RAB30: variants seen among roughly 807,000 people sequenced by gnomAD.
The protein encoded by RAB30 is RAB30, member RAS oncogene family.
Under a neutral mutation model 25.1 loss-of-function variants are expected in RAB30, and 9 were observed. The observed-to-expected ratio is 0.36, with a 90% CI of 0.22 to 0.63. The LOEUF (loss-of-function observed/expected upper bound fraction) is 0.63, where lower values mean the gene tolerates loss of function less well. RAB30 is among the 20% of genes least tolerant of loss of function. RAB30 has a pLI of 0.69. For synonymous variants in RAB30, 77 were observed against 86.4 expected, an observed-to-expected ratio of 0.89 and a Z score of 0.60; for missense variants, 140 against 243.5, an observed-to-expected ratio of 0.58 and a Z score of 2.83.
intron 1 of RAB30, among the ~76,000 whole-genome samples, chr11:83,010,976 T>C (rs1046531682): frequency 6.6e-6 from 1 of 152,194 alleles, no homozygotes; most frequent in African/African-American, 2.4e-5. Flanking sequence ...ATGAAAAGAA[T>C]TTGCAAAGCT....
At chr11:83,001,028 C>T (rs1321475756) in intron 1 of RAB30, among the ~76,000 whole-genome samples, 2 of 104,188 alleles carry the variant, frequency 1.9e-5, no homozygotes, top group African/African-American at 3.8e-5. Context: ...GCCTGGGCGA[C>T]AGAACGAGAC....
intron 1 of RAB30, among the ~76,000 whole-genome samples, chr11:83,001,310 G>C (rs1857079457): frequency 6.6e-6 from 1 of 152,052 alleles, no homozygotes; most frequent in African/African-American, 2.4e-5. Context: ...CAAGTAGCTG[G>C]GATTACAGAC....
intron 1 of RAB30, among the ~76,000 whole-genome samples, chr11:83,060,835 A>G (rs532873124): frequency 6.6e-6 from 1 of 152,280 alleles, no homozygotes; most frequent in African/African-American, 2.4e-5. Flanking sequence ...CCAGGTGTGG[A>G]AGAACCACCA....
Position 82,974,212 on chromosome 11 carries a change from A to T in RAB30, c.*7953T>A, listed in dbSNP as rs1856502771. The T allele has an allele frequency of 6.6e-6, 1 of 152,188 alleles. No individual in the cohort carries two copies. The highest frequency in any genetic ancestry group is 1.5e-5 in the Non-Finnish European group (1 of 68,024). The allele number at this position is 152,188 out of a possible 1,614,324, so 9.4% of individuals were successfully genotyped here. The stretch of plus-strand genomic sequence containing the variant: ...TTAGTGAATATGATTAAAAACATTG[A>T]AGTTTACACCTTAATAGGATAAACC... On this transcript the variant is annotated 3_prime_UTR_variant, in exon 5 of 5. Transcript: ENST00000527633.
chr11:83,011,243 C>A (rs529362154), intron 1 of RAB30, among the ~76,000 whole-genome samples: 4 of 152,296 alleles, frequency 2.6e-5, no homozygotes, highest in African/African-American at 9.6e-5. Context: ...TGTGTTTCTC[C>A]TAGTTTCTTT....
intron 1 of RAB30, among the ~76,000 whole-genome samples, chr11:83,006,999 T>C (rs989153208): frequency 1.3e-5 from 2 of 152,236 alleles, no homozygotes; most frequent in African/African-American, 4.8e-5. Context: ...TCTTACAGCT[T>C]AGAAATTACT....
At chr11:83,011,531 A>G (rs1378597905) in intron 1 of RAB30, among the ~76,000 whole-genome samples, 1 of 152,228 alleles carries the variant, frequency 6.6e-6, no homozygotes, top group Non-Finnish European at 1.5e-5. Context: ...GCCATAAGCC[A>G]AGAACATGGC....
At chr11:83,042,217 T>C (rs1217561677) in intron 1 of RAB30, among the ~76,000 whole-genome samples, 1 of 151,980 alleles carries the variant, frequency 6.6e-6, no homozygotes, top group Non-Finnish European at 1.5e-5. Context: ...TGAATATATG[T>C]TGATGTGATT....
intron 1 of RAB30, among the ~76,000 whole-genome samples, chr11:83,029,295 C>T (rs991187066): frequency 1.3e-5 from 2 of 151,910 alleles, no homozygotes; most frequent in Admixed American, 6.6e-5. Context: ...TAAAAGCAGA[C>T]CCCCCAACAC....
intron 1 of RAB30, among the ~76,000 whole-genome samples, chr11:83,069,750 G>A (rs964935125): frequency 2.0e-5 from 3 of 152,238 alleles, no homozygotes; most frequent in Non-Finnish European, 4.4e-5. Flanking sequence ...AGGTGCCAGT[G>A]AAAGGAAAAG....
chr11:83,036,996 A>T (rs1004855195), intron 1 of RAB30, among the ~76,000 whole-genome samples: 6 of 152,218 alleles, frequency 3.9e-5, no homozygotes, highest in African/African-American at 1.4e-4. Context: ...AGTTTTAATC[A>T]GGGAAATAGT....
chr11:83,038,052 GA>G (rs1272124280), intron 1 of RAB30, among the ~76,000 whole-genome samples: 1 of 152,028 alleles, frequency 6.6e-6, no homozygotes, highest in Non-Finnish European at 1.5e-5. Context: ...AAGGGTTAAA[GA>G]AAAAAACAGA....
intron 3 of RAB30, among the ~76,000 whole-genome samples, chr11:82,988,021 G>A (rs1358999545): frequency 1.6e-5 from 2 of 122,650 alleles, no homozygotes; most frequent in East Asian, 4.8e-4. Flanking sequence ...TTTTTTCTTT[G>A]TTAAGAGTTT....
chr11:83,043,867 G>T (rs1858181811), intron 1 of RAB30, among the ~76,000 whole-genome samples: 1 of 152,234 alleles, frequency 6.6e-6, no homozygotes, highest in East Asian at 1.9e-4. Context: ...CCCACCCCCT[G>T]ACCCTTTTTA....
At chr11:83,029,569 T>A (rs914362786) in intron 1 of RAB30, among the ~76,000 whole-genome samples, 1 of 152,068 alleles carries the variant, frequency 6.6e-6, no homozygotes, top group African/African-American at 2.4e-5. Context: ...ATCCAGGCTG[T>A]TTAAATATTT....
intron 1 of RAB30, among the ~76,000 whole-genome samples, chr11:83,016,235 G>A (rs1857433745): frequency 1.3e-5 from 2 of 152,200 alleles, no homozygotes; most frequent in African/African-American, 4.8e-5. Flanking sequence ...CGGTCCTGAT[G>A]AAATGAGAGA....
intron 1 of RAB30, among the ~76,000 whole-genome samples, chr11:83,015,209 T>C (rs1396329039): frequency 6.6e-6 from 1 of 152,144 alleles, no homozygotes; most frequent in Non-Finnish European, 1.5e-5. Context: ...TGGATACCAG[T>C]AGAAACAAAC....
chr11:82,980,552 T>A lies in RAB30; in HGVS notation c.*1613A>T, dbSNP rs1856620061. On this transcript the variant is annotated 3_prime_UTR_variant, in exon 5 of 5. Coordinates refer to ENST00000527633, the MANE Select transcript of RAB30 (RefSeq NM_001286060.2). ...AGCAACAGTGGAATTACACATCATA[T>A]CCTTATTCCATTACTCATCCCTCAG... 6.6e-6 allele frequency: 1 copy of A among 152,218 alleles called. No homozygotes were observed. The highest frequency in any genetic ancestry group is 2.4e-5 in the African/African-American group (1 of 41,450). 9.4% of individuals were successfully genotyped at this position (152,218 alleles called of 1,614,324 possible). A position where few individuals can be genotyped will look rare whatever the true frequency, so the allele number is the denominator to read the frequency against.
At chr11:82,983,462 G>T (rs1311934832) in intron 4 of RAB30, among the ~76,000 whole-genome samples, 1 of 152,000 alleles carries the variant, frequency 6.6e-6, no homozygotes, top group Non-Finnish European at 1.5e-5. Flanking sequence ...ACAAGGTCTG[G>T]CTCTATTGCC....
Sources: allele counts gnomAD v4.1 joint callset (sites outside exome capture counted in the v4.1 genomes callset), GRCh38; gene constraint gnomAD v4.1.1; transcripts MANE v1.5; gene names NCBI Gene and HGNC (gene_info 2026-07-23, HGNC 2026-07-21).